COL28A1: variants seen among roughly 807,000 people sequenced by gnomAD.
The protein encoded by COL28A1 is collagen type XXVIII alpha 1 chain, also known as collagen alpha-1(XXVIII) chain.
A neutral mutation model predicts 150.2 loss-of-function variants in COL28A1; 161 were observed. The ratio of observed to expected loss-of-function variants is 1.07; its 90% CI spans 0.94 to 1.22. COL28A1 has a LOEUF of 1.22. COL28A1 is among the 50% of genes most tolerant of loss of function. The pLI is 0.00. For missense variants in COL28A1, 1,617 were observed against 1,388.3 expected (o/e 1.16, Z -2.62); for synonymous variants, 552 against 469.7 (o/e 1.18, Z -2.26).
At chr7:7,383,338 G>C (rs1286466938) in intron 27 of COL28A1, among the ~76,000 whole-genome samples, 3 of 150,014 alleles carry the variant, frequency 2.0e-5, no homozygotes, top group Non-Finnish European at 3.0e-5. Flanking sequence ...GAGTGCAGTG[G>C]TGTGATCTCA....
At chr7:7,473,737 A>G (rs1342668544) in intron 15 of COL28A1, among the ~76,000 whole-genome samples, 4 of 152,064 alleles carry the variant, frequency 2.6e-5, no homozygotes, top group Non-Finnish European at 5.9e-5. Context: ...ACTTGCACAT[A>G]CCTGTTTATA....
chr7:7,398,742 C>G (rs745619729), intron 27 of COL28A1, among the ~76,000 whole-genome samples: 2 of 152,158 alleles, frequency 1.3e-5, no homozygotes, highest in Non-Finnish European at 2.9e-5. Context: ...GTGATAAATA[C>G]AGAGAGACAG....
chr7:7,388,335 C>T (rs1362398121), intron 27 of COL28A1, among the ~76,000 whole-genome samples: 1 of 152,128 alleles, frequency 6.6e-6, no homozygotes, highest in Non-Finnish European at 1.5e-5. Flanking sequence ...CTGCAAAGGA[C>T]ATGAACTCAT....
downstream of COL28A1, chr7:7,356,307 A>C (rs1039600902): frequency 6.6e-6 from 1 of 152,202 alleles, no homozygotes; most frequent in African/African-American, 2.4e-5. Context: ...TGTCAACAGC[A>C]CATTGACATG....
intron 27 of COL28A1, among the ~76,000 whole-genome samples, chr7:7,399,502 G>A (rs1783042227): frequency 6.6e-6 from 1 of 152,164 alleles, no homozygotes; most frequent in South Asian, 2.1e-4. Context: ...TAGAGGTAAT[G>A]GATGTGGAGG....
rs189886736 is a variant in COL28A1 at position 7,381,205 on chromosome 7, T to C, written c.2205+339A>G. Among the ~76,000 whole-genome samples the C allele has an allele frequency of 1.6e-3, 244 of 152,272 alleles. 1 individual carries two copies. Among genetic ancestry groups the C allele is most frequent in the Non-Finnish European group, 2.4e-3 (165 of 68,028 alleles). ...GGTATGTTGTAAGTATGTTGTAAGATAACTAATAAATCCTTTATTAGTTAT... is the reference window on the plus strand; with the variant it reads ...GGTATGTTGTAAGTATGTTGTAAGACAACTAATAAATCCTTTATTAGTTAT... On this transcript the variant is annotated intron_variant, in intron 28 of 34. Coordinates refer to ENST00000399429, the MANE Select transcript of COL28A1 (RefSeq NM_001037763.3).
intron 3 of COL28A1, among the ~76,000 whole-genome samples, chr7:7,531,054 T>C (rs1412208664): frequency 2.0e-5 from 3 of 152,106 alleles, no homozygotes; most frequent in Non-Finnish European, 4.4e-5. Context: ...GTAGGCTGTA[T>C]AAACAGGAGC....
intron 25 of COL28A1, among the ~76,000 whole-genome samples, chr7:7,428,329 C>A (rs1201888982): frequency 3.3e-5 from 5 of 152,052 alleles, no homozygotes; most frequent in African/African-American, 1.2e-4. Flanking sequence ...TGTGATGATC[C>A]AGCTCCCTGA....
At chr7:7,371,981 C>T (rs1163447621) in intron 32 of COL28A1, among the ~76,000 whole-genome samples, 6 of 152,112 alleles carry the variant, frequency 3.9e-5, no homozygotes, top group South Asian at 2.1e-4. Flanking sequence ...TACAGGCACA[C>T]GCCACCATGC....
intron 4 of COL28A1, among the ~76,000 whole-genome samples, chr7:7,522,504 AC>A (rs1238757381): frequency 6.6e-6 from 1 of 152,204 alleles, no homozygotes; most frequent in East Asian, 1.9e-4. Context: ...GAGTCTTATA[AC>A]AGCTGTTGAC....
At chr7:7,427,810 G>C (rs935460019) in intron 25 of COL28A1, among the ~76,000 whole-genome samples, 1 of 152,110 alleles carries the variant, frequency 6.6e-6, no homozygotes, top group Non-Finnish European at 1.5e-5. Flanking sequence ...CAATAGAAAA[G>C]CTAGGCTGAA....
intron 27 of COL28A1, 102 bp downstream of exon 27, chr7:7,417,757 T>A: frequency 1.1e-6 from 1 of 946,326 alleles, no homozygotes; most frequent in Non-Finnish European, 1.7e-6. Context: ...AGGCTCACAA[T>A]AAATCTATTT....
At chr7:7,520,170 A>C (rs569495407) in intron 5 of COL28A1, 55 bp from the exon 6 acceptor site, 165 of 818,000 alleles carry the variant, frequency 2.0e-4, no homozygotes, top group Non-Finnish European at 3.2e-4. Flanking sequence ...TGTTTTCTAT[A>C]CTTTATAATA....
chr7:7,382,445 T>C (rs1781924576), intron 27 of COL28A1, among the ~76,000 whole-genome samples: 1 of 152,210 alleles, frequency 6.6e-6, no homozygotes, highest in Non-Finnish European at 1.5e-5. Flanking sequence ...TCATAATTTG[T>C]AGCAACATTC....
intron 15 of COL28A1, among the ~76,000 whole-genome samples, chr7:7,457,460 G>A (rs780991560): frequency 2.6e-5 from 4 of 152,180 alleles, no homozygotes; most frequent in Admixed American, 1.3e-4. Context: ...GTTTGAGGTG[G>A]AGGGTGATAT....
intron 30 of COL28A1, among the ~76,000 whole-genome samples, chr7:7,376,494 T>C (rs1781549392): frequency 6.6e-6 from 1 of 152,206 alleles, no homozygotes; most frequent in Non-Finnish European, 1.5e-5. Context: ...AAAGAACATC[T>C]ACTGCAGTGC....
At chr7:7,428,453 A>G (rs1784763527) in intron 25 of COL28A1, among the ~76,000 whole-genome samples, 1 of 152,240 alleles carries the variant, frequency 6.6e-6, no homozygotes, top group South Asian at 2.1e-4. Context: ...AAACTCTTAT[A>G]TCAGAGACAT....
At chr7:7,488,837 C>T (rs1340002860) in intron 13 of COL28A1, among the ~76,000 whole-genome samples, 1 of 152,162 alleles carries the variant, frequency 6.6e-6, no homozygotes, top group Non-Finnish European at 1.5e-5. Context: ...CATGAGAACT[C>T]TTTTCTTCTT....
intron 15 of COL28A1, among the ~76,000 whole-genome samples, chr7:7,459,185 C>G (rs1375236781): frequency 5.9e-5 from 9 of 152,150 alleles, no homozygotes. Flanking sequence ...GCACCATGTC[C>G]CAACACCACC....
Sources: allele counts gnomAD v4.1 joint callset (sites outside exome capture counted in the v4.1 genomes callset), GRCh38; gene constraint gnomAD v4.1.1; transcripts MANE v1.5; gene names NCBI Gene and HGNC (gene_info 2026-07-23, HGNC 2026-07-21).